The following SLC30A10 variants were observed in gnomAD, a reference collection of about 807,000 sequenced individuals.
SLC30A10 encodes the protein calcium/manganese antiporter SLC30A10.
A neutral mutation model predicts 21.7 loss-of-function variants in SLC30A10; 8 were observed. The ratio of observed to expected loss-of-function variants is 0.37; its 90% CI spans 0.22 to 0.67. The LOEUF is 0.67. Ranked by LOEUF, SLC30A10 falls within the 30% of genes least tolerant of loss-of-function variation. The probability of loss-of-function intolerance (pLI) is 0.58; values close to 1 mark genes in which losing one functional copy is unlikely to be tolerated. For synonymous variants in SLC30A10, 272 were observed against 279.4 expected (o/e 0.97, Z 0.26); for missense variants, 521 against 642.5 (o/e 0.81, Z 2.04).
Position 219,915,135 on chromosome 1 carries a change from G to A in SLC30A10, c.*314C>T, listed in dbSNP as rs1042214335. 3 of 306,350 alleles carry A rather than the reference G, an allele frequency of 9.8e-6. No individual in the cohort carries two copies. Among genetic ancestry groups the A allele is most frequent in the East Asian group, 6.9e-5 (1 of 14,576 alleles). The allele number at this position is 306,350 out of a possible 1,614,324, so 19.0% of individuals were successfully genotyped here. ...AAGAACTTCTTTGAACACTGTATCC[G>A]CAGCTATTGAGCCCCAGTCCCAGAC... On this transcript the variant is annotated 3_prime_UTR_variant, in exon 4 of 4. Transcript: ENST00000366926.
intron 2 of SLC30A10, among the ~76,000 whole-genome samples, chr1:219,921,904 T>TGTGTGAGAGAGAGAGA (rs1200596880): frequency 1.2e-5 from 1 of 84,704 alleles, no homozygotes; most frequent in African/African-American, 5.5e-5. Context: ...TGTGTGTGTG[T>TGTGTGAGAGAGAGAGA]GAAAGAGAGA....
chr1:219,936,496 G>T (rs1273912030), intron 1 of SLC30A10, among the ~76,000 whole-genome samples: 1 of 152,146 alleles, frequency 6.6e-6, no homozygotes, highest in Non-Finnish European at 1.5e-5. Context: ...TGGATACAGA[G>T]GTAGGCACGT....
chr1:219,934,452 A>G (rs1442123039), intron 1 of SLC30A10, among the ~76,000 whole-genome samples: 1 of 151,992 alleles, frequency 6.6e-6, no homozygotes, highest in Non-Finnish European at 1.5e-5. Context: ...AACAAAAGTG[A>G]GACTCCATCT....
chr1:219,954,246 T>TA (rs1227274773), intron 1 of SLC30A10, among the ~76,000 whole-genome samples: 1 of 152,040 alleles, frequency 6.6e-6, no homozygotes, highest in Non-Finnish European at 1.5e-5. Flanking sequence ...AGCAGTGTGT[T>TA]AAAACCTTCT....
At position 219,915,488 on chromosome 1, in the gene SLC30A10, AGTTTT is replaced by A. The variant is rs777626872; in HGVS notation, c.1414_1418del (p.Lys472SerfsTer23). The A allele has an allele frequency of 6.2e-7, 1 of 1,614,192 alleles. No individual in the cohort carries two copies. Among genetic ancestry groups the A allele is most frequent in the South Asian group, 1.1e-5 (1 of 91,074 alleles). Reference sequence around the variant, plus strand: ...TGTTGACATAACATTGGTCCTCCTGAGTTTTGTTAAGACTTTGTCCGTGGTCACTC... The same window carrying A: ...TGTTGACATAACATTGGTCCTCCTGAGTTAAGACTTTGTCCGTGGTCACTC... On this transcript the variant is annotated frameshift_variant, in exon 4 of 4. Transcript: ENST00000366926. LOFTEE classifies it high-confidence loss of function.
rs763872741 is a variant in SLC30A10 at position 219,928,012 on chromosome 1, G to A, written c.429C>T (p.Cys143=). 8 of 1,567,812 alleles carry A rather than the reference G, an allele frequency of 5.1e-6. No individual in the cohort carries two copies. The highest frequency in any genetic ancestry group is 6.9e-6 in the Non-Finnish European group (8 of 1,158,222). Residue 143 remains cysteine (C), a synonymous_variant, in exon 1 of 4, where the codon TGC becomes TGT. Coordinates refer to ENST00000366926, the MANE Select transcript of SLC30A10 (RefSeq NM_018713.3). This position sits in a 1 kb window ranked among gnomAD's most constrained non-coding sequence, Gnocchi z 6.3. ...GGCGGCGACTGCGTCCCCGGAGGCAGCACGCGAACCAGGCGGCGCAGTCCT... is the reference window on the plus strand; with the variant it reads ...GGCGGCGACTGCGTCCCCGGAGGCAACACGCGAACCAGGCGGCGCAGTCCT... ...IFQDCAAWFA[C]CLRGRSRRLQ... is the part of the protein sequence containing the mutation.
chr1:219,927,661 A>ACC, intron 1 of SLC30A10, 140 bp downstream of exon 1: 4 of 557,776 alleles, frequency 7.2e-6, no homozygotes, highest in Non-Finnish European at 9.6e-6. Context: ...AAAAAAAAAA[A>ACC]AAAAAAACAA....
intron 1 of SLC30A10, among the ~76,000 whole-genome samples, chr1:219,947,440 G>A: frequency 6.6e-6 from 1 of 152,120 alleles, no homozygotes; most frequent in Non-Finnish European, 1.5e-5. Flanking sequence ...GGCTGAGATG[G>A]GAGGATCGCT....
In SLC30A10 at chr1:219,922,839, C is replaced by T. The variant is rs140920898; in HGVS notation, c.718+4189G>A. Among the ~76,000 whole-genome samples the T allele has an allele frequency of 4.3e-4, 65 of 151,962 alleles. No homozygotes were observed. The East Asian group carries it at 0.011, about 27-fold the overall frequency. On this transcript the variant is annotated intron_variant, in intron 2 of 3. Coordinates refer to ENST00000366926, the MANE Select transcript of SLC30A10 (RefSeq NM_018713.3). ...TCCGCACAACACAGTGATGTTGGTC[C>T]TATTATCTCCATTATATAGATGACG...
At chr1:219,932,990 G>A (rs1659990866), upstream of SLC30A10, among the ~76,000 whole-genome samples, 1 of 151,424 alleles carries the variant, frequency 6.6e-6, no homozygotes, top group Non-Finnish European at 1.5e-5. Context: ...GCACCTGGGA[G>A]GCAGAGGTTG....
chr1:219,951,583 T>C (rs1419870431), intron 1 of SLC30A10, among the ~76,000 whole-genome samples: 1 of 151,400 alleles, frequency 6.6e-6, no homozygotes, highest in Admixed American at 6.6e-5. Context: ...TAGCCGGGTG[T>C]GGTGGCGGGT....
In SLC30A10 at chr1:219,939,623, T is replaced by G. The variant is rs930944697; in HGVS notation, n.81-12518A>C. Among the ~76,000 whole-genome samples the G allele has an allele frequency of 4.4e-4, 67 of 151,948 alleles. 1 individual carries two copies. Among genetic ancestry groups the G allele is most frequent in the Admixed American group, 4.3e-3 (66 of 15,254 alleles). On this transcript the variant is annotated intron_variant and non_coding_transcript_variant, in intron 1 of 8. Transcript: ENST00000484239. Reference sequence around the variant, plus strand: ...TTTTGTATTTTTAGTAGAGAGGGGGTTTCACCATCTTGGCCAGGCTGGTCT... The same window carrying G: ...TTTTGTATTTTTAGTAGAGAGGGGGGTTCACCATCTTGGCCAGGCTGGTCT...
At chr1:219,951,727 A>T (rs1034872533) in intron 1 of SLC30A10, among the ~76,000 whole-genome samples, 1 of 151,816 alleles carries the variant, frequency 6.6e-6, no homozygotes, top group Admixed American at 6.6e-5. Context: ...TCTCAAAAAA[A>T]AAAAGAAAAG....
intron 1 of SLC30A10, among the ~76,000 whole-genome samples, chr1:219,943,497 C>G (rs1660146661): frequency 2.0e-5 from 3 of 152,126 alleles, no homozygotes. Flanking sequence ...CCTGCTCAAA[C>G]AGAAAATTTA....
chr1:219,942,605 A>T (rs1176821312), intron 1 of SLC30A10, among the ~76,000 whole-genome samples: 2 of 152,240 alleles, frequency 1.3e-5, no homozygotes, highest in Admixed American at 1.3e-4. Flanking sequence ...AACTCAGGCA[A>T]ACAATTTTTT....
At chr1:219,939,310 C>G (rs1213990186) in intron 1 of SLC30A10, among the ~76,000 whole-genome samples, 1 of 152,226 alleles carries the variant, frequency 6.6e-6, no homozygotes, top group South Asian at 2.1e-4. Context: ...AAAAGCTACC[C>G]TCTCAAAGCT....
chr1:219,927,694 GAAAAAA>G, intron 1 of SLC30A10, 101 bp downstream of exon 1: 1 of 542,478 alleles, frequency 1.8e-6, no homozygotes, highest in Non-Finnish European at 2.5e-6. Context: ...AAAAAAAACA[GAAAAAA>G]AGCATGCAGA....
chr1:219,958,748 G>C (rs1301694568), upstream of SLC30A10: 3 of 152,620 alleles, frequency 2.0e-5, no homozygotes, highest in African/African-American at 7.2e-5. Context: ...CTGAACATCA[G>C]CGCCACCGCA....
chr1:219,944,098 CAA>C (rs768499897), intron 1 of SLC30A10, among the ~76,000 whole-genome samples: 1 of 100,400 alleles, frequency 1.0e-5, no homozygotes, highest in African/African-American at 3.7e-5. Flanking sequence ...AGACTCATCT[CAA>C]AAAAAAAAAA....
Sources: gnomAD v4.1 joint callset for allele counts (sites outside exome capture counted in the v4.1 genomes callset) on GRCh38, gnomAD v4.1.1 for gene constraint, Gnocchi (gnomAD v3.1) non-coding constraint, MANE v1.5 for transcripts, NCBI Gene and HGNC (gene_info 2026-07-23, HGNC 2026-07-21) for gene names.